Variants in CENPP observed in about 807,000 individuals in gnomAD.
CENPP encodes centromere protein P.
Under a neutral mutation model 35.6 loss-of-function variants are expected in CENPP, and 24 were observed. The ratio of observed to expected loss-of-function variants is 0.67; its 90% CI spans 0.49 to 0.95. The LOEUF (loss-of-function observed/expected upper bound fraction) is 0.95, where lower values mean the gene tolerates loss of function less well. CENPP is among the 40% of genes least tolerant of loss of function. The pLI is 0.00. For synonymous variants in CENPP, 120 were observed against 125.5 expected (o/e 0.96, Z 0.29); for missense variants, 332 against 345.3 (o/e 0.96, Z 0.31).
At chr9:92,331,830 GC>G (rs1442902243) in intron 1 of CENPP, among the ~76,000 whole-genome samples, 1 of 152,078 alleles carries the variant, frequency 6.6e-6, no homozygotes, top group African/African-American at 2.4e-5. Context: ...AGGCACAGTG[GC>G]ATACCTGTGG....
At chr9:92,546,798 A>G (rs1188204300) in intron 5 of CENPP, among the ~76,000 whole-genome samples, 1 of 152,188 alleles carries the variant, frequency 6.6e-6, no homozygotes, top group African/African-American at 2.4e-5. Flanking sequence ...AATTTCTTTA[A>G]AAAAACAATA....
intron 3 of CENPP, among the ~76,000 whole-genome samples, chr9:92,342,834 T>G (rs892258151): frequency 6.6e-5 from 10 of 152,260 alleles, no homozygotes; most frequent in African/African-American, 2.4e-4. Context: ...AACTTGTGTA[T>G]GTATGCCTTT....
chr9:92,503,422 CCTA>C (rs1441538683), intron 5 of CENPP, among the ~76,000 whole-genome samples: 1 of 152,162 alleles, frequency 6.6e-6, no homozygotes, highest in Non-Finnish European at 1.5e-5. Context: ...CTGCCTGTTT[CCTA>C]CTATTTCATG....
chr9:92,530,603 T>C (rs1163840774), intron 5 of CENPP, among the ~76,000 whole-genome samples: 2 of 152,194 alleles, frequency 1.3e-5, no homozygotes, highest in African/African-American at 4.8e-5. Context: ...CGTTATATCT[T>C]TCTGGTGCAT....
At chr9:92,514,778 G>A (rs764812951) in intron 5 of CENPP, 20 of 1,613,890 alleles carry the variant, frequency 1.2e-5, no homozygotes, top group South Asian at 2.2e-5. Context: ...AGCGGGGATC[G>A]AGAGGGCATT....
chr9:92,347,025 T>C (rs533171767), intron 4 of CENPP, among the ~76,000 whole-genome samples: 2 of 152,146 alleles, frequency 1.3e-5, no homozygotes, highest in Admixed American at 6.5e-5. Flanking sequence ...GTGGGAGATA[T>C]AGAACACTGG....
chr9:92,521,915 G>A (rs1848091960), intron 5 of CENPP, among the ~76,000 whole-genome samples: 1 of 151,994 alleles, frequency 6.6e-6, no homozygotes, highest in African/African-American at 2.4e-5. Context: ...ATCTATGTTA[G>A]GATTACAACT....
intron 5 of CENPP, chr9:92,386,136 A>T: frequency 8.2e-7 from 1 of 1,226,104 alleles, no homozygotes; most frequent in Non-Finnish European, 1.2e-6. Context: ...TGAGGTTCCC[A>T]ATGAGTCACA....
At chr9:92,541,849 A>C (rs1186097172) in intron 5 of CENPP, among the ~76,000 whole-genome samples, 1 of 151,936 alleles carries the variant, frequency 6.6e-6, no homozygotes, top group Non-Finnish European at 1.5e-5. Context: ...GCTAGAGTGC[A>C]GTGGTGCAAT....
chr9:92,581,063 A>G (rs1850413027), intron 5 of CENPP, among the ~76,000 whole-genome samples: 1 of 152,074 alleles, frequency 6.6e-6, no homozygotes, highest in Non-Finnish European at 1.5e-5. Context: ...TTATGTACCC[A>G]TTAGTCATTC....
intron 5 of CENPP, among the ~76,000 whole-genome samples, chr9:92,506,460 G>T (rs766619249): frequency 2.0e-5 from 3 of 152,118 alleles, no homozygotes; most frequent in South Asian, 2.1e-4. Flanking sequence ...GCTGCAAAAT[G>T]GACAGCTCAG....
At chr9:92,572,678 G>A (rs1850173739) in intron 5 of CENPP, among the ~76,000 whole-genome samples, 1 of 152,208 alleles carries the variant, frequency 6.6e-6, no homozygotes, top group Non-Finnish European at 1.5e-5. Context: ...ATATCCTGCA[G>A]AGTGTTTTCC....
intron 5 of CENPP, among the ~76,000 whole-genome samples, chr9:92,568,037 C>T (rs1002495764): frequency 6.6e-6 from 1 of 152,034 alleles, no homozygotes; most frequent in Non-Finnish European, 1.5e-5. Context: ...TTAAGCTCTC[C>T]AATTAAAAGA....
intron 5 of CENPP, chr9:92,515,094 A>AGGT: frequency 6.2e-7 from 1 of 1,614,034 alleles, no homozygotes; most frequent in Non-Finnish European, 8.5e-7. Flanking sequence ...CCACCTGAGG[A>AGGT]GGTGGCAGTT....
chr9:92,515,306 T>A (rs1223675362), intron 5 of CENPP: 1 of 1,304,010 alleles, frequency 7.7e-7, no homozygotes, highest in Non-Finnish European at 9.7e-7. Flanking sequence ...TCCCTCCAAG[T>A]ATTTGAGTGC....
intron 5 of CENPP, among the ~76,000 whole-genome samples, chr9:92,429,813 TCA>T (rs1844060011): frequency 1.3e-5 from 2 of 152,008 alleles, no homozygotes; most frequent in African/African-American, 4.8e-5. Context: ...ATCATCATCA[TCA>T]TCATCATCTT....
intron 4 of CENPP, among the ~76,000 whole-genome samples, chr9:92,368,482 G>C (rs951489170): frequency 6.6e-6 from 1 of 152,126 alleles, no homozygotes; most frequent in Non-Finnish European, 1.5e-5. Flanking sequence ...CAATGATCAA[G>C]AGCTACACCA....
chr9:92,474,843 A>C, intron 5 of CENPP: 1 of 1,614,024 alleles, frequency 6.2e-7, no homozygotes, highest in Non-Finnish European at 8.5e-7. Flanking sequence ...GAAGGGCTAA[A>C]GAAGGGTTTG....
At chr9:92,449,297 C>G (rs542741442) in intron 5 of CENPP, among the ~76,000 whole-genome samples, 3 of 151,664 alleles carry the variant, frequency 2.0e-5, no homozygotes, top group Non-Finnish European at 4.4e-5. Flanking sequence ...AAAAATTAGC[C>G]GGGCGTGGTG....
Sources: allele counts gnomAD v4.1 joint callset (sites outside exome capture counted in the v4.1 genomes callset), GRCh38; gene constraint gnomAD v4.1.1; transcripts MANE v1.5; gene names NCBI Gene and HGNC (gene_info 2026-07-23, HGNC 2026-07-21).